The following NAV1 variants were observed in gnomAD, a reference collection of about 807,000 sequenced individuals.
The protein encoded by NAV1 is pore membrane and/or filament interacting like protein 3.
Under a neutral mutation model 175.2 loss-of-function variants are expected in NAV1, and 18 were observed. That is an observed-to-expected ratio of 0.10 (90% CI 0.07 to 0.15). NAV1 has a LOEUF of 0.15. Among genes scored for constraint, NAV1 ranks in the 10% least tolerant of loss-of-function variants. The pLI is 1.00. For missense variants in NAV1, 1,731 were observed against 2,436.6 expected (o/e 0.71, Z 6.10); for synonymous variants, 897 against 978.7 (o/e 0.92, Z 1.56).
At chr1:201,779,619 A>AAAAAAAAAAAAAAAAAAAAAAC (rs1676188380) in intron 3 of NAV1, among the ~76,000 whole-genome samples, 1 of 141,748 alleles carries the variant, frequency 7.1e-6, no homozygotes, top group African/African-American at 2.6e-5. Flanking sequence ...AAAAAAAAAA[A>AAAAAAAAAAAAAAAAAAAAAAC]AAGAACAGCC....
In NAV1 at chr1:201,764,107, A is replaced by T. The variant is rs920284155; in HGVS notation, c.1227-16314A>T. Among the ~76,000 whole-genome samples, 7 of 152,182 alleles carry T rather than the reference A, an allele frequency of 4.6e-5. No homozygotes were observed. The South Asian group carries it at 1.0e-3, about 22-fold the overall frequency. On this transcript the variant is annotated intron_variant, in intron 3 of 29. Coordinates refer to ENST00000367296, the Ensembl canonical transcript of NAV1. ...ATAATAACCTATGATATCATGATTTAAAAAAATCTGATGGCAGTAAATCTG... is the reference window on the plus strand; with the variant it reads ...ATAATAACCTATGATATCATGATTTTAAAAAATCTGATGGCAGTAAATCTG...
exon 30 of NAV1, chr1:201,826,267 A>G (rs1474227894): frequency 6.6e-6 from 1 of 152,168 alleles, no homozygotes; most frequent in Non-Finnish European, 1.5e-5. Flanking sequence ...TCCTCTGGCC[A>G]TCTCCTGTGG....
At chr1:201,551,819 G>GGCCTAATGGCTGT (rs1665862918) in intron 1 of NAV1, among the ~76,000 whole-genome samples, 1 of 152,184 alleles carries the variant, frequency 6.6e-6, no homozygotes, top group Non-Finnish European at 1.5e-5. Context: ...TTAGGCCTGT[G>GGCCTAATGGCTGT]TTAGGCTGGC....
chr1:201,564,162 G>A (rs892660955), intron 1 of NAV1, among the ~76,000 whole-genome samples: 2 of 149,324 alleles, frequency 1.3e-5, no homozygotes, highest in Admixed American at 6.6e-5. Flanking sequence ...AGGAAGGAAG[G>A]CAGGCAGGCA....
intron 16 of NAV1, among the ~76,000 whole-genome samples, chr1:201,804,219 T>A (rs1678132277): frequency 6.6e-6 from 1 of 152,224 alleles, no homozygotes; most frequent in South Asian, 2.1e-4. Flanking sequence ...CGTGTGGTTT[T>A]TTTCTCTTGC....
intron 1 of NAV1, among the ~76,000 whole-genome samples, chr1:201,578,262 T>C (rs944642544): frequency 6.6e-6 from 1 of 151,876 alleles, no homozygotes; most frequent in Non-Finnish European, 1.5e-5. Context: ...TCTCCTTAAT[T>C]CTACTGTTGA....
At chr1:201,771,895 T>G (rs1283921633) in intron 3 of NAV1, among the ~76,000 whole-genome samples, 2 of 152,230 alleles carry the variant, frequency 1.3e-5, no homozygotes, top group African/African-American at 4.8e-5. Flanking sequence ...AAAAAGAGAA[T>G]GTTAATAAAT....
At chr1:201,617,485 G>T (rs1012614587) in intron 2 of NAV1, among the ~76,000 whole-genome samples, 8 of 152,310 alleles carry the variant, frequency 5.3e-5, no homozygotes, top group African/African-American at 1.4e-4. Flanking sequence ...CATTCTGGGA[G>T]GCCAAAGAGG....
At chr1:201,581,754 C>T (rs558577954) in intron 1 of NAV1, among the ~76,000 whole-genome samples, 87 of 151,548 alleles carry the variant, frequency 5.7e-4, no homozygotes, top group African/African-American at 2.0e-3. Context: ...ACTTGAACTC[C>T]GGAGGCAGAG....
intron 6 of NAV1, 100 bp from the exon 11 acceptor site, chr1:201,783,306 A>G: frequency 8.2e-7 from 1 of 1,218,424 alleles, no homozygotes; most frequent in Non-Finnish European, 1.2e-6. Context: ...TGCTTAGCAA[A>G]TAGGCAGAAA....
intron 2 of NAV1, among the ~76,000 whole-genome samples, chr1:201,642,305 C>T (rs931988724): frequency 4.0e-4 from 60 of 151,584 alleles, no homozygotes; most frequent in African/African-American, 1.3e-3. Context: ...CTCCGCCTCC[C>T]GGGTTCACAC....
At chr1:201,729,730 C>T (rs1672765821) in intron 3 of NAV1, among the ~76,000 whole-genome samples, 1 of 151,932 alleles carries the variant, frequency 6.6e-6, no homozygotes, top group Admixed American at 6.6e-5. Flanking sequence ...CACGGTGAAA[C>T]CCCGTCTCTA....
chr1:201,545,299 C>T (rs1447846679), intron 1 of NAV1, among the ~76,000 whole-genome samples: 1 of 152,116 alleles, frequency 6.6e-6, no homozygotes, highest in Non-Finnish European at 1.5e-5. Flanking sequence ...AGACCTGACT[C>T]AGTCTCTGGG....
chr1:201,552,470 CTT>C (rs1239426140), intron 1 of NAV1, among the ~76,000 whole-genome samples: 1 of 144,680 alleles, frequency 6.9e-6, no homozygotes, highest in African/African-American at 2.5e-5. Context: ...GAGGCCACCT[CTT>C]TGCTTCCTTG....
At chr1:201,593,735 T>G (rs1265114828) in intron 2 of NAV1, among the ~76,000 whole-genome samples, 1 of 152,160 alleles carries the variant, frequency 6.6e-6, no homozygotes. Flanking sequence ...TACATATTCT[T>G]TTTCCTCTCC....
At chr1:201,751,640 C>T (rs921394532) in intron 3 of NAV1, among the ~76,000 whole-genome samples, 10 of 152,152 alleles carry the variant, frequency 6.6e-5, no homozygotes, top group African/African-American at 2.2e-4. Context: ...TACTTCAATA[C>T]CTGATTCTGT....
At chr1:201,806,876 G>A (rs570146378) in intron 17 of NAV1, among the ~76,000 whole-genome samples, 6 of 152,182 alleles carry the variant, frequency 3.9e-5, no homozygotes, top group Admixed American at 2.0e-4. Flanking sequence ...ATCACCTGAC[G>A]GCCTTCCTAT....
chr1:201,665,166 C>T (rs1313944297), intron 1 of NAV1, among the ~76,000 whole-genome samples: 1 of 152,118 alleles, frequency 6.6e-6, no homozygotes, highest in South Asian at 2.1e-4. Flanking sequence ...AGTGCTCCCC[C>T]CGCACCCTGC....
At chr1:201,792,700 C>T (rs1405155106) in intron 13 of NAV1, 1 of 152,156 alleles carries the variant, frequency 6.6e-6, no homozygotes, top group Non-Finnish European at 1.5e-5. Flanking sequence ...GGAAACTGCT[C>T]AGGTTGTGAC....
Sources: gnomAD v4.1 joint callset for allele counts (sites outside exome capture counted in the v4.1 genomes callset) on GRCh38, gnomAD v4.1.1 for gene constraint, MANE v1.5 for transcripts, NCBI Gene and HGNC (gene_info 2026-07-23, HGNC 2026-07-21) for gene names.